Variants in ARHGEF3 observed in about 807,000 individuals in gnomAD.
ARHGEF3 encodes Rho guanine nucleotide exchange factor 3, also known as 59.8 kDA protein.
ARHGEF3 carries 28 observed loss-of-function variants against 63.2 expected under a neutral mutation model. The observed-to-expected ratio is 0.44, with a 90% CI of 0.33 to 0.61. The LOEUF (loss-of-function observed/expected upper bound fraction) is 0.61. ARHGEF3 is among the 20% of genes least tolerant of loss of function. ARHGEF3 has a pLI of 0.03. For synonymous variants in ARHGEF3, 266 were observed against 254.2 expected (o/e 1.05, Z -0.44); for missense variants, 533 against 659.3 (o/e 0.81, Z 2.10).
At chr3:56,902,549 A>G (rs2041546673) in intron 3 of ARHGEF3, among the ~76,000 whole-genome samples, 1 of 152,214 alleles carries the variant, frequency 6.6e-6, no homozygotes. Context: ...AGGCAGGACT[A>G]GCTATATAAT....
intron 2 of ARHGEF3, among the ~76,000 whole-genome samples, chr3:57,000,101 G>A (rs1368720861): frequency 6.6e-6 from 1 of 152,104 alleles, no homozygotes; most frequent in African/African-American, 2.4e-5. Flanking sequence ...GAATCAATGA[G>A]AAAAGCCTGC....
chr3:56,996,868 C>CATTATT (rs369182475), intron 2 of ARHGEF3, among the ~76,000 whole-genome samples: 1,514 of 139,276 alleles, frequency 0.011, 18 homozygotes, highest in Non-Finnish European at 0.017. Context: ...TTTCTTAAAA[C>CATTATT]ATTATTATTA....
chr3:56,837,799 T>C (rs192022260), intron 4 of ARHGEF3, among the ~76,000 whole-genome samples: 46 of 152,232 alleles, frequency 3.0e-4, no homozygotes, highest in Admixed American at 2.6e-4. Context: ...CCAGCGATTC[T>C]GGTCAGGTCA....
At chr3:56,828,143 A>C (rs1484105887) in intron 4 of ARHGEF3, among the ~76,000 whole-genome samples, 1 of 152,132 alleles carries the variant, frequency 6.6e-6, no homozygotes, top group Non-Finnish European at 1.5e-5. Context: ...TTTACAGATG[A>C]GGAAACTGAG....
Position 56,728,082 on chromosome 3 carries a change from C to T in ARHGEF3, c.*1188G>A, listed in dbSNP as rs988004294. ...CTGTTTTTAAGGTCTGCACTTTACC[C>T]TGCACTGTAAATCAAGGCTGGACAA... is the stretch of plus-strand genomic sequence containing the variant. On this transcript the variant is annotated 3_prime_UTR_variant, in exon 10 of 10. Transcript: ENST00000296315. The T allele has an allele frequency of 2.6e-5, 4 of 152,632 alleles. No individual in the cohort carries two copies. The highest frequency in any genetic ancestry group is 5.9e-5 in the Non-Finnish European group (4 of 68,056). The allele number at this position is 152,632 out of a possible 1,614,324, so 9.5% of individuals were successfully genotyped here.
At chr3:56,732,545 G>T in intron 8 of ARHGEF3, 121 bp from the exon 9 acceptor site, 1 of 1,156,082 alleles carries the variant, frequency 8.6e-7, no homozygotes, top group Non-Finnish European at 1.2e-6. Context: ...TGAACTCCTA[G>T]GTTCAAATCT....
intron 1 of ARHGEF3, among the ~76,000 whole-genome samples, chr3:56,778,446 CACAA>C (rs770657580): frequency 5.5e-4 from 84 of 152,320 alleles, no homozygotes; most frequent in Non-Finnish European, 1.1e-3. Context: ...TGCTTTCGGA[CACAA>C]ACAATCTGTA....
intron 1 of ARHGEF3, among the ~76,000 whole-genome samples, chr3:56,793,546 G>A (rs1252674962): frequency 1.3e-5 from 2 of 152,028 alleles, no homozygotes; most frequent in Admixed American, 1.3e-4. Flanking sequence ...CAGGTGATCC[G>A]CCCGCCTCGG....
chr3:56,785,357 T>C (rs2036751828), intron 1 of ARHGEF3, among the ~76,000 whole-genome samples: 2 of 152,148 alleles, frequency 1.3e-5, no homozygotes, highest in Admixed American at 6.5e-5. Context: ...AGTCCTAATC[T>C]TGGGTCCTTA....
At chr3:56,787,697 C>T (rs547850154) in intron 1 of ARHGEF3, among the ~76,000 whole-genome samples, 1 of 145,872 alleles carries the variant, frequency 6.9e-6, no homozygotes, top group Non-Finnish European at 1.5e-5. Context: ...CACTGGCTTC[C>T]CAGGATATAC....
At chr3:56,742,480 C>G (rs2034100780) in intron 7 of ARHGEF3, among the ~76,000 whole-genome samples, 1 of 152,178 alleles carries the variant, frequency 6.6e-6, no homozygotes, top group Admixed American at 6.5e-5. Context: ...GGAACGGAAG[C>G]AATTTACTTA....
intron 3 of ARHGEF3, among the ~76,000 whole-genome samples, chr3:56,913,381 T>C (rs1227890906): frequency 6.6e-6 from 1 of 152,068 alleles, no homozygotes; most frequent in Non-Finnish European, 1.5e-5. Context: ...GACATACAAA[T>C]GGCCAATAAT....
intron 3 of ARHGEF3, among the ~76,000 whole-genome samples, chr3:56,888,040 T>A (rs973514604): frequency 5.3e-5 from 8 of 150,954 alleles, no homozygotes; most frequent in African/African-American, 2.0e-4. Flanking sequence ...TTCTTCAACC[T>A]CAAATCTCCT....
chr3:57,008,231 C>G (rs1702543502), intron 2 of ARHGEF3, among the ~76,000 whole-genome samples: 1 of 152,306 alleles, frequency 6.6e-6, no homozygotes, highest in East Asian at 1.9e-4. Flanking sequence ...GGAGGTGGCC[C>G]TGCCAAGAAT....
At chr3:56,794,551 C>A (rs1289634160) in intron 1 of ARHGEF3, among the ~76,000 whole-genome samples, 2 of 145,074 alleles carry the variant, frequency 1.4e-5, no homozygotes, top group African/African-American at 5.1e-5. Flanking sequence ...AGCAATGTTA[C>A]AACTAAGAAA....
intron 3 of ARHGEF3, among the ~76,000 whole-genome samples, chr3:56,933,047 C>T (rs1473694631): frequency 2.0e-5 from 3 of 152,150 alleles, no homozygotes; most frequent in Admixed American, 2.0e-4. Context: ...AGTTCAGTAC[C>T]AGTCTGCGGC....
chr3:56,790,321 TCAC>T (rs2037016843), intron 1 of ARHGEF3, among the ~76,000 whole-genome samples: 2 of 152,184 alleles, frequency 1.3e-5, no homozygotes, highest in Admixed American at 6.5e-5. Context: ...CTCAGATAAG[TCAC>T]CACCAAACAT....
intron 6 of ARHGEF3, among the ~76,000 whole-genome samples, chr3:56,750,081 GC>G (rs1472145639): frequency 6.6e-6 from 1 of 152,146 alleles, no homozygotes; most frequent in Non-Finnish European, 1.5e-5. Context: ...GGTACTTCCT[GC>G]CTATTTTTCT....
chr3:56,960,423 T>G (rs1700230024), intron 2 of ARHGEF3, among the ~76,000 whole-genome samples: 1 of 152,180 alleles, frequency 6.6e-6, no homozygotes, highest in South Asian at 2.1e-4. Flanking sequence ...GAGGCTTAAT[T>G]TCTTGAGCTT....
Sources: gnomAD v4.1 joint callset for allele counts (sites outside exome capture counted in the v4.1 genomes callset) on GRCh38, gnomAD v4.1.1 for gene constraint, MANE v1.5 for transcripts, NCBI Gene and HGNC (gene_info 2026-07-23, HGNC 2026-07-21) for gene names.